Variants in SLC25A12 observed in about 807,000 individuals in gnomAD.
The protein encoded by SLC25A12 is solute carrier family 25 member 12.
In SLC25A12, 32 loss-of-function variants were observed where a neutral mutation model predicts 83.3. That is an observed-to-expected ratio of 0.38 (90% confidence interval 0.29 to 0.52). The LOEUF (loss-of-function observed/expected upper bound fraction) is 0.52. SLC25A12 is among the 20% of genes least tolerant of loss of function. The probability of loss-of-function intolerance (pLI) is 0.84; values close to 1 mark genes in which losing one functional copy is unlikely to be tolerated. For synonymous variants in SLC25A12, 267 were observed against 291.1 expected, an observed-to-expected ratio of 0.92 and a Z score of 0.84; for missense variants, 611 against 835.6, an observed-to-expected ratio of 0.73 and a Z score of 3.31.
At chr2:171,819,393 T>A (rs1263011563) in intron 9 of SLC25A12, among the ~76,000 whole-genome samples, 1 of 81,216 alleles carries the variant, frequency 1.2e-5, no homozygotes, top group Non-Finnish European at 2.5e-5. Context: ...TAATATATAT[T>A]ATATAATTAT....
intron 2 of SLC25A12, among the ~76,000 whole-genome samples, chr2:171,877,571 A>C (rs1685597297): frequency 6.6e-6 from 1 of 151,836 alleles, no homozygotes. Context: ...AGGCGGAGGC[A>C]GGAGAATCAC....
chr2:171,805,210 G>C (rs534050359), intron 13 of SLC25A12, among the ~76,000 whole-genome samples: 1 of 151,916 alleles, frequency 6.6e-6, no homozygotes, highest in African/African-American at 2.4e-5. Context: ...CTGGGTTCAA[G>C]CGATTCTCCT....
At chr2:171,818,506 C>T (rs1244122949) in intron 9 of SLC25A12, among the ~76,000 whole-genome samples, 1 of 151,470 alleles carries the variant, frequency 6.6e-6, no homozygotes, top group Non-Finnish European at 1.5e-5. Flanking sequence ...TGATGTGGCT[C>T]ATAGCAGTAA....
chr2:171,836,913 C>G (rs532160616), intron 6 of SLC25A12, among the ~76,000 whole-genome samples: 1 of 151,850 alleles, frequency 6.6e-6, no homozygotes, highest in South Asian at 2.1e-4. Context: ...TCACCTCTAC[C>G]TCCATTACAC....
chr2:171,816,907 C>T (rs893319812), intron 9 of SLC25A12, among the ~76,000 whole-genome samples: 19 of 152,074 alleles, frequency 1.2e-4, no homozygotes, highest in African/African-American at 4.1e-4. Context: ...GTGTTGAGAC[C>T]CTACTGCCCA....
intron 2 of SLC25A12, among the ~76,000 whole-genome samples, chr2:171,874,502 AAG>A (rs1334891429): frequency 6.6e-6 from 1 of 152,202 alleles, no homozygotes; most frequent in Non-Finnish European, 1.5e-5. Flanking sequence ...CAGATGATAA[AAG>A]AGGGGGGAGC....
chr2:171,837,118 T>C lies in SLC25A12; in HGVS notation c.612+3A>G. ...AAAGTTAAAGAACTTGCTTTTTACT[T>C]ACTGAAACTAAGTTCTCCTCCACAA... On this transcript the variant is annotated splice_donor_region_variant and intron_variant, in intron 6 of 17. Coordinates refer to ENST00000422440, the MANE Select transcript of SLC25A12 (RefSeq NM_003705.5). The C allele has an allele frequency of 6.2e-7, 1 of 1,613,860 alleles. No homozygotes were observed. Among genetic ancestry groups the C allele is most frequent in the Non-Finnish European group, 8.5e-7 (1 of 1,179,852 alleles).
intron 13 of SLC25A12, among the ~76,000 whole-genome samples, chr2:171,801,816 G>C (rs1170355651): frequency 6.6e-6 from 1 of 151,916 alleles, no homozygotes; most frequent in Non-Finnish European, 1.5e-5. Context: ...AGAAGGTTAG[G>C]TGTATTAAGT....
rs1052385165 is a variant in SLC25A12, at chr2:171,783,416, T to C, written c.*1858A>G. ...TGAAATACTATGCAGCCATTAAAAA[T>C]AAAACTTTATAAACTGACATGGAAA... On this transcript the variant is annotated 3_prime_UTR_variant, in exon 18 of 18. Coordinates refer to ENST00000422440, the MANE Select transcript of SLC25A12 (RefSeq NM_003705.5). Among the ~76,000 whole-genome samples the C allele has an allele frequency of 8.5e-5, 13 of 152,134 alleles. No individual in the cohort carries two copies. The highest frequency in any genetic ancestry group is 8.5e-4 in the Admixed American group (13 of 15,274).
intron 11 of SLC25A12, among the ~76,000 whole-genome samples, chr2:171,811,164 T>C (rs1031743866): frequency 6.6e-6 from 1 of 152,168 alleles, no homozygotes; most frequent in Non-Finnish European, 1.5e-5. Flanking sequence ...AAAGGGGAGT[T>C]ATATATGTGT....
intron 2 of SLC25A12, among the ~76,000 whole-genome samples, chr2:171,870,159 A>T (rs1401488203): frequency 6.6e-6 from 1 of 152,244 alleles, no homozygotes; most frequent in Non-Finnish European, 1.5e-5. Context: ...AAATGAATGA[A>T]TTGGTAATAG....
At chr2:171,858,070 T>G (rs918192644) in intron 3 of SLC25A12, among the ~76,000 whole-genome samples, 21 of 152,076 alleles carry the variant, frequency 1.4e-4, no homozygotes, top group Admixed American at 3.3e-4. Context: ...CAGCATATAC[T>G]AGATCTTTCA....
intron 6 of SLC25A12, among the ~76,000 whole-genome samples, chr2:171,836,547 A>T (rs1684561638): frequency 6.6e-6 from 1 of 152,222 alleles, no homozygotes; most frequent in Admixed American, 6.5e-5. Context: ...GGAGTGAGCC[A>T]CAGAGGCTGA....
intron 13 of SLC25A12, among the ~76,000 whole-genome samples, chr2:171,799,552 C>T (rs1174470291): frequency 6.6e-6 from 1 of 152,128 alleles, no homozygotes. Flanking sequence ...GGGCTTTTTG[C>T]TTTACCGATA....
rs868151900 is a variant in SLC25A12, at chr2:171,876,555, G to T, written c.67-7732C>A. On this transcript the variant is annotated intron_variant, in intron 2 of 17. Coordinates refer to ENST00000422440, the MANE Select transcript of SLC25A12 (RefSeq NM_003705.5). ...GGTTTTTTTTTTTTGGGGGGGGGGG[G>T]ACTCAAGTGATCCTCCCACCTCAGC... Among the ~76,000 whole-genome samples, 5 of 117,504 alleles carry T rather than the reference G, an allele frequency of 4.3e-5. 1 individual carries two copies. Among genetic ancestry groups the T allele is most frequent in the South Asian group, 3.0e-4 (1 of 3,324 alleles). 77.1% of individuals were successfully genotyped at this position (117,504 alleles called of 152,430 possible). A position where few individuals can be genotyped will look rare whatever the true frequency, so the allele number is the denominator to read the frequency against.
intron 3 of SLC25A12, among the ~76,000 whole-genome samples, chr2:171,858,467 G>T (rs758083357): frequency 6.6e-6 from 1 of 152,110 alleles, no homozygotes; most frequent in Admixed American, 6.6e-5. Flanking sequence ...TACAGAATAC[G>T]TAGCTTTAAA....
rs751392614 is a variant in SLC25A12, at chr2:171,893,176, T to C, written c.66+29A>G. The C allele has an allele frequency of 8.7e-5, 140 of 1,604,562 alleles. No homozygotes were observed. In the East Asian group the frequency reaches 2.6e-3, roughly 30 times the overall value. On this transcript the variant is annotated intron_variant, in intron 2 of 17. Transcript: ENST00000422440. Reference sequence around the variant, plus strand: ...ACATGTACGTTTTTTGTTTTTGCAATGAAAGGCACACTATGCAAGCCAATT... The same window carrying C: ...ACATGTACGTTTTTTGTTTTTGCAACGAAAGGCACACTATGCAAGCCAATT...
chr2:171,815,064 G>T, intron 10 of SLC25A12, 57 bp downstream of exon 10: 1 of 1,377,006 alleles, frequency 7.3e-7, no homozygotes, highest in South Asian at 1.2e-5. Context: ...GCCTCAGTCT[G>T]GTGAGATAAT....
intron 3 of SLC25A12, among the ~76,000 whole-genome samples, chr2:171,857,898 G>C (rs760348753): frequency 6.6e-6 from 1 of 151,820 alleles, no homozygotes; most frequent in African/African-American, 2.4e-5. Context: ...TGAGACCCAA[G>C]TGAGACCCAT....
Sources: gnomAD v4.1 joint callset for allele counts (sites outside exome capture counted in the v4.1 genomes callset) on GRCh38, gnomAD v4.1.1 for gene constraint, MANE v1.5 for transcripts, NCBI Gene and HGNC (gene_info 2026-07-23, HGNC 2026-07-21) for gene names.